PSMF1: variants seen among roughly 807,000 people sequenced by gnomAD.
PSMF1 encodes proteasome inhibitor PI31 subunit.
Under a neutral mutation model 29.3 loss-of-function variants are expected in PSMF1, and 30 were observed. The ratio of observed to expected loss-of-function variants is 1.02; its 90% CI spans 0.77 to 1.39. PSMF1 has a LOEUF of 1.39. Ranked by LOEUF, PSMF1 falls within the 40% of genes most tolerant of loss-of-function variation. The pLI is 0.00. For missense variants in PSMF1, 344 were observed against 357.5 expected (o/e 0.96, Z 0.31); for synonymous variants, 134 against 139.7 (o/e 0.96, Z 0.29).
chr20:1,133,717 T>G (rs992147282), intron 3 of PSMF1, among the ~76,000 whole-genome samples: 1 of 151,298 alleles, frequency 6.6e-6, no homozygotes, highest in African/African-American at 2.4e-5. Context: ...GAATGTTTGG[T>G]AGAATTCTTC....
chr20:1,170,124 C>G lies in PSMF1; in HGVS notation c.*5044C>G, dbSNP rs535256542. On this transcript the variant is annotated 3_prime_UTR_variant, in exon 7 of 7. Coordinates refer to ENST00000335877, the MANE Select transcript of PSMF1 (RefSeq NM_006814.5). ...TGAGAAGGGAGGGGAAGACCTACCT[C>G]CTTGTTACTCAGACCACCAGCAACA... 2.1e-4 allele frequency among the ~76,000 whole-genome samples: 32 copies of G among 152,184 alleles called. No individual in the cohort carries two copies. The highest frequency in any genetic ancestry group is 3.1e-4 in the Non-Finnish European group (21 of 68,034).
intron 3 of PSMF1, among the ~76,000 whole-genome samples, chr20:1,133,555 G>GTA (rs1311800612): frequency 1.5e-4 from 8 of 53,976 alleles, no homozygotes; most frequent in African/African-American, 4.5e-4. Context: ...CTATATATGT[G>GTA]TATATATATA....
chr20:1,118,615 C>G lies in PSMF1; in HGVS notation c.-159C>G. 2.3e-6 allele frequency: 2 copies of G among 882,616 alleles called. No homozygotes were observed. Among genetic ancestry groups the G allele is most frequent in the Non-Finnish European group, 3.3e-6 (2 of 613,692 alleles). The allele number at this position is 882,616 out of a possible 1,614,324, so 54.7% of individuals were successfully genotyped here. ...GGGACTACTTCCGGCTTCCCCGCCC[C>G]GCCCCGTCCCCGGGCGTCTCCATTT... On this transcript the variant is annotated 5_prime_UTR_variant, in exon 1 of 7. Coordinates refer to ENST00000335877, the MANE Select transcript of PSMF1 (RefSeq NM_006814.5).
rs1284858109 is a variant in PSMF1, at chr20:1,127,485, A to T, written c.342A>T (p.Ala114=). The change falls in exon 3 of 7, where the codon GCA becomes GCT. Residue 114 remains alanine, a synonymous_variant. Coordinates refer to ENST00000335877, the MANE Select transcript of PSMF1 (RefSeq NM_006814.5). ...TGAACTTGGATGATTATATCGATGC[A>T]GAACACCTGGGTGACTTCCACAGGT... ...LTLNLDDYID[A]EHLGDFHRTY... 1 of 1,606,340 alleles carries T rather than the reference A, an allele frequency of 6.2e-7. No homozygotes were observed. Among genetic ancestry groups the T allele is most frequent in the African/African-American group, 1.3e-5 (1 of 74,876 alleles).
intron 4 of PSMF1, among the ~76,000 whole-genome samples, chr20:1,150,338 G>A (rs2086513028): frequency 6.6e-6 from 1 of 152,124 alleles, no homozygotes; most frequent in African/African-American, 2.4e-5. Flanking sequence ...GAGTGGTAAG[G>A]GAGGGTGCAA....
intron 4 of PSMF1, among the ~76,000 whole-genome samples, chr20:1,141,262 A>G (rs963350406): frequency 6.6e-6 from 1 of 152,212 alleles, no homozygotes; most frequent in Non-Finnish European, 1.5e-5. Flanking sequence ...GAACATTTGC[A>G]TATTCTGTGA....
rs2086746015 is a variant in PSMF1 at position 1,167,558 on chromosome 20, A to C, written c.*2478A>C. On this transcript the variant is annotated 3_prime_UTR_variant, in exon 7 of 7. Transcript: ENST00000335877. ...CAGGCAACCACTAACATCTGTCTCT[A>C]AAGATTTTTTTTTTTTTTCTGGACA... The C allele has an allele frequency of 6.6e-6, 1 of 151,696 alleles. No individual in the cohort carries two copies. The highest frequency in any genetic ancestry group is 1.5e-5 in the Non-Finnish European group (1 of 67,976). 9.4% of individuals were successfully genotyped at this position (151,696 alleles called of 1,614,324 possible). A position where few individuals can be genotyped will look rare whatever the true frequency, so the allele number is the denominator to read the frequency against.
intron 4 of PSMF1, among the ~76,000 whole-genome samples, chr20:1,149,715 A>G (rs1404701481): frequency 6.6e-6 from 1 of 152,224 alleles, no homozygotes; most frequent in Non-Finnish European, 1.5e-5. Context: ...CATCATGACA[A>G]CATTGTGCCT....
chr20:1,125,818 C>T (rs971455826), intron 2 of PSMF1, 168 bp downstream of exon 2: 2 of 924,758 alleles, frequency 2.2e-6, no homozygotes, highest in Non-Finnish European at 3.4e-6. Flanking sequence ...TATAGAAAAC[C>T]TTCGTGCACA....
intron 3 of PSMF1, among the ~76,000 whole-genome samples, chr20:1,133,568 TA>T (rs1217131445): frequency 1.4e-4 from 13 of 93,752 alleles, no homozygotes; most frequent in African/African-American, 5.6e-4. Flanking sequence ...TATATATATA[TA>T]TTTTTTTTTT....
upstream of PSMF1, among the ~76,000 whole-genome samples, chr20:1,114,147 C>T (rs1381325420): frequency 6.6e-6 from 1 of 152,170 alleles, no homozygotes. Context: ...TGAGGGCCTT[C>T]CAGGACCCCA....
At chr20:1,119,750 C>T (rs563805707) in intron 1 of PSMF1, among the ~76,000 whole-genome samples, 1 of 152,254 alleles carries the variant, frequency 6.6e-6, no homozygotes, top group Non-Finnish European at 1.5e-5. Context: ...TCCCTGTGAC[C>T]CTCATCCCCA....
intron 4 of PSMF1, among the ~76,000 whole-genome samples, chr20:1,147,953 C>T (rs1418240491): frequency 6.6e-6 from 1 of 152,208 alleles, no homozygotes; most frequent in Non-Finnish European, 1.5e-5. Flanking sequence ...ACTGAACACC[C>T]TTGGCTGGCG....
chr20:1,120,218 C>G (rs185065397), intron 1 of PSMF1, among the ~76,000 whole-genome samples: 166 of 152,210 alleles, frequency 1.1e-3, no homozygotes, highest in Admixed American at 3.7e-3. Flanking sequence ...TTCCCCAGAC[C>G]TCAATTATCT....
rs2086739311 is a variant in PSMF1, at chr20:1,167,134, C to T, written c.*2054C>T. ...AAACACAGTCATTGTCTTAGGTGTTCTATGGGAGGAAGTGAATAGAGCCTT... is the reference window on the plus strand; with the variant it reads ...AAACACAGTCATTGTCTTAGGTGTTTTATGGGAGGAAGTGAATAGAGCCTT... On this transcript the variant is annotated 3_prime_UTR_variant, in exon 7 of 7. Transcript: ENST00000335877. 6.6e-6 allele frequency: 1 copy of T among 152,084 alleles called. No individual in the cohort carries two copies. Among genetic ancestry groups the T allele is most frequent in the South Asian group, 2.1e-4 (1 of 4,814 alleles). The allele number at this position is 152,084 out of a possible 1,614,324, so 9.4% of individuals were successfully genotyped here.
intron 4 of PSMF1, among the ~76,000 whole-genome samples, chr20:1,144,333 C>T (rs6134012): frequency 0.41 from 62,282 of 152,056 alleles, 13,528 homozygotes; most frequent in Admixed American, 0.48. Context: ...GTGGGCATGT[C>T]AAATGTTACA....
At chr20:1,118,524 C>T, upstream of PSMF1, 1 of 374,346 alleles carries the variant, frequency 2.7e-6, no homozygotes, top group East Asian at 4.2e-5. Context: ...CACTCCCTGG[C>T]GGAACCTTTC....
intron 2 of PSMF1, 114 bp from the exon 3 acceptor site, chr20:1,127,312 C>T: frequency 2.4e-6 from 2 of 840,750 alleles, no homozygotes; most frequent in South Asian, 1.3e-5. Context: ...ATATATGTCT[C>T]TGTGGACATA....
intron 3 of PSMF1, among the ~76,000 whole-genome samples, chr20:1,134,394 T>C (rs2086275576): frequency 6.6e-6 from 1 of 152,192 alleles, no homozygotes; most frequent in African/African-American, 2.4e-5. Context: ...ACTTTTTGTT[T>C]TGATTTCTGT....
Sources: allele counts gnomAD v4.1 joint callset (sites outside exome capture counted in the v4.1 genomes callset), GRCh38; gene constraint gnomAD v4.1.1; transcripts MANE v1.5; gene names NCBI Gene and HGNC (gene_info 2026-07-23, HGNC 2026-07-21).